USP28: variants seen among roughly 807,000 people sequenced by gnomAD.
USP28 encodes ubiquitin specific peptidase 28.
In USP28, 113 loss-of-function variants were observed where a neutral mutation model predicts 145.0. The ratio of observed to expected loss-of-function variants is 0.78; its 90% CI spans 0.67 to 0.91. The LOEUF is 0.91. Ranked by LOEUF, USP28 falls within the 40% of genes least tolerant of loss-of-function variation. USP28 has a pLI of 0.00. For missense variants in USP28, 1,201 were observed against 1,289.6 expected (o/e 0.93, Z 1.05); for synonymous variants, 447 against 450.9 (o/e 0.99, Z 0.11).
At chr11:113,827,407 G>A in intron 10 of USP28, 47 bp from the exon 11 acceptor site, 1 of 1,527,952 alleles carries the variant, frequency 6.5e-7, no homozygotes, top group South Asian at 1.3e-5. Flanking sequence ...TTAATTTTAG[G>A]AAATTACAAT....
intron 1 of USP28, among the ~76,000 whole-genome samples, chr11:113,862,845 T>C (rs1191768303): frequency 6.6e-6 from 1 of 152,030 alleles, no homozygotes; most frequent in Non-Finnish European, 1.5e-5. Context: ...CACACATTCA[T>C]AATAAAAACA....
intron 11 of USP28, among the ~76,000 whole-genome samples, chr11:113,824,063 A>G (rs1046156821): frequency 1.3e-5 from 2 of 152,202 alleles, no homozygotes; most frequent in African/African-American, 4.8e-5. Flanking sequence ...AGAACTAATA[A>G]GTGAGTTTAG....
At chr11:113,812,055 A>C (rs1941068883) in intron 16 of USP28, among the ~76,000 whole-genome samples, 1 of 152,212 alleles carries the variant, frequency 6.6e-6, no homozygotes, top group Non-Finnish European at 1.5e-5. Context: ...TAAGAAACCT[A>C]ACATTGTGTA....
At chr11:113,808,252 C>T in intron 18 of USP28, 46 bp downstream of exon 18, 2 of 1,591,708 alleles carry the variant, frequency 1.3e-6, no homozygotes, top group Non-Finnish European at 1.7e-6. Flanking sequence ...GCCATCGCTG[C>T]TGAAAGCCCG....
chr11:113,808,561 G>A, intron 17 of USP28, 124 bp from the exon 18 acceptor site: 1 of 1,021,730 alleles, frequency 9.8e-7, no homozygotes, highest in Non-Finnish European at 1.3e-6. Context: ...TTTTACAAAA[G>A]CCTATGCAGA....
At chr11:113,858,551 T>C (rs377749409) in intron 1 of USP28, among the ~76,000 whole-genome samples, 1 of 152,244 alleles carries the variant, frequency 6.6e-6, no homozygotes, top group Non-Finnish European at 1.5e-5. Flanking sequence ...CGCCTGTGAC[T>C]GAATGTGGCT....
At chr11:113,808,164 T>G (rs1591500715) in intron 18 of USP28, 28 bp from the exon 19 acceptor site, 1 of 1,514,622 alleles carries the variant, frequency 6.6e-7, no homozygotes, top group Non-Finnish European at 8.8e-7. Flanking sequence ...GGAGAAAGAG[T>G]AAGAAAAAAC....
At chr11:113,849,002 C>T (rs1227597922) in intron 3 of USP28, among the ~76,000 whole-genome samples, 7 of 152,166 alleles carry the variant, frequency 4.6e-5, no homozygotes, top group Admixed American at 2.0e-4. Context: ...ATTGAAGCTA[C>T]CCCTATAATT....
chr11:113,810,751 T>C (rs1940844678), intron 16 of USP28, among the ~76,000 whole-genome samples: 1 of 152,262 alleles, frequency 6.6e-6, no homozygotes, highest in Non-Finnish European at 1.5e-5. Flanking sequence ...CTCAGCTCAC[T>C]GCAACCTTTG....
intron 5 of USP28, among the ~76,000 whole-genome samples, chr11:113,838,197 G>C (rs1461074282): frequency 6.6e-6 from 1 of 152,202 alleles, no homozygotes; most frequent in South Asian, 2.1e-4. Context: ...CTCCACAGGA[G>C]TGAAGGCTAA....
rs956061681 is a variant in USP28, at chr11:113,829,623, T to C, written c.911-278A>G. Among the ~76,000 whole-genome samples the C allele has an allele frequency of 4.0e-5, 6 of 151,818 alleles. 1 individual carries two copies. Among genetic ancestry groups the C allele is most frequent in the Non-Finnish European group, 7.4e-5 (5 of 67,950 alleles). Reference sequence around the variant, plus strand: ...TGGGAGGATCACTTGAGGCCAGGAGTTTGACCAGCCTGGAAAACACAGTGA... The same window carrying C: ...TGGGAGGATCACTTGAGGCCAGGAGCTTGACCAGCCTGGAAAACACAGTGA... On this transcript the variant is annotated intron_variant, in intron 9 of 24. Transcript: ENST00000003302.
rs61907872 is a variant in USP28, at chr11:113,852,696, G to A, written c.136-63C>T. 3.4e-3 allele frequency: 5,436 copies of A among 1,576,780 alleles called. 44 individuals carry two copies. The highest frequency in any genetic ancestry group is 2.8e-3 in the Non-Finnish European group (3,296 of 1,158,610). On this transcript the variant is annotated intron_variant, in intron 2 of 24. Transcript: ENST00000003302. ...TCATAGAATTTAAAACCAGTTTTGA[G>A]TATTAACTTTATTACCCTGGTGACA...
chr11:113,812,419 C>T lies in USP28; in HGVS notation c.1829G>A (p.Arg610Gln), dbSNP rs777100156. The change falls in exon 16 of 25, where the codon CGA becomes CAA. Residue 610 changes from arginine (R) to glutamine (Q), a missense_variant. Transcript: ENST00000003302. ...GTCATTGTACTTGAGCCAGCTCTGT[C>T]GGGGTTGATTATAGATATAGGCCCA... is the stretch of plus-strand genomic sequence containing the variant. The T allele has an allele frequency of 1.5e-5, 24 of 1,613,948 alleles. No individual in the cohort carries two copies. Among genetic ancestry groups the T allele is most frequent in the Admixed American group, 5.0e-5 (3 of 59,998 alleles).
chr11:113,841,345 C>A (rs1265817487), intron 4 of USP28, among the ~76,000 whole-genome samples: 1 of 152,152 alleles, frequency 6.6e-6, no homozygotes, highest in Admixed American at 6.5e-5. Context: ...TATGCAGCAG[C>A]ATAACCCTCA....
At chr11:113,806,216 G>A (rs957568744) in intron 19 of USP28, among the ~76,000 whole-genome samples, 3 of 152,104 alleles carry the variant, frequency 2.0e-5, no homozygotes, top group African/African-American at 7.2e-5. Flanking sequence ...TAAATTACAG[G>A]TGTGAGCCAC....
chr11:113,799,609 T>C (rs1938569594), intron 24 of USP28, among the ~76,000 whole-genome samples, 194 bp from the exon 26 acceptor site: 1 of 152,240 alleles, frequency 6.6e-6, no homozygotes, highest in African/African-American at 2.4e-5. Flanking sequence ...CACTGCTATA[T>C]AACAACTATA....
rs1360254409 is a variant in USP28 at position 113,874,504 on chromosome 11, A to G, written c.57+941T>C. On this transcript the variant is annotated intron_variant, in intron 1 of 24. Coordinates refer to ENST00000003302, the Ensembl canonical transcript of USP28. ...CCAGACAAAAGAGTAAAAAGGTATA[A>G]AAGGATTCTCACCTGAGGGTATCTG... 15 of 1,288,558 alleles carry G rather than the reference A, an allele frequency of 1.2e-5. No individual in the cohort carries two copies. The South Asian group carries it at 1.5e-4, about 13-fold the overall frequency. The allele number at this position is 1,288,558 out of a possible 1,614,324, so 79.8% of individuals were successfully genotyped here. A position where few individuals can be genotyped will look rare whatever the true frequency, so the allele number is the denominator to read the frequency against.
intron 24 of USP28, among the ~76,000 whole-genome samples, chr11:113,800,108 C>T (rs1239234714): frequency 6.6e-6 from 1 of 151,984 alleles, no homozygotes; most frequent in African/African-American, 2.4e-5. Context: ...CGGGTTCACG[C>T]CATTCTCCTG....
At chr11:113,812,384 T>C (rs1373591150) in exon 16 of USP28, 1 of 1,613,994 alleles carries the variant, frequency 6.2e-7, no homozygotes, top group African/African-American at 1.3e-5. Flanking sequence ...GAAGATTCAG[T>C]AACAGAGATG....
Sources: allele counts gnomAD v4.1 joint callset (sites outside exome capture counted in the v4.1 genomes callset), GRCh38; gene constraint gnomAD v4.1.1; transcripts MANE v1.5; gene names NCBI Gene and HGNC (gene_info 2026-07-23, HGNC 2026-07-21).